FXN: variants seen among roughly 807,000 people sequenced by gnomAD.
FXN encodes frataxin, mitochondrial.
Under a neutral mutation model 22.4 loss-of-function variants are expected in FXN, and 14 were observed. The observed-to-expected ratio is 0.62, with a 90% confidence interval of 0.41 to 0.98. The LOEUF (loss-of-function observed/expected upper bound fraction) is 0.98. Among genes scored for constraint, FXN ranks in the 50% least tolerant of loss-of-function variants. FXN has a pLI of 0.00. For missense variants in FXN, 267 were observed against 268.4 expected (o/e 0.99, Z 0.04); for synonymous variants, 120 against 114.1 (o/e 1.05, Z -0.33).
chr9:69,075,170 A>C lies in FXN; in HGVS notation c.*2408A>C. On this transcript the variant is annotated 3_prime_UTR_variant, in exon 5 of 5. Coordinates refer to ENST00000484259, the MANE Select transcript of FXN (RefSeq NM_000144.5). ...GTGGGAGATCCCCATTTAAGGAAAG[A>C]AAAGGGGCCTGGCACAGTGGCTCAT... The C allele has an allele frequency of 2.0e-6, 2 of 985,524 alleles. No homozygotes were observed. Among genetic ancestry groups the C allele is most frequent in the South Asian group, 9.4e-5 (2 of 21,292 alleles). 61.0% of individuals were successfully genotyped at this position (985,524 alleles called of 1,614,324 possible).
intron 2 of FXN, among the ~76,000 whole-genome samples, chr9:69,051,469 A>G (rs1831849455): frequency 6.6e-6 from 1 of 150,950 alleles, no homozygotes; most frequent in Admixed American, 6.6e-5. Context: ...CTTTGATATT[A>G]TACATAAACC....
intron 1 of FXN, among the ~76,000 whole-genome samples, chr9:69,037,304 A>AGAAGAAGAAGAAG (rs58850165): frequency 6.8e-6 from 1 of 148,128 alleles, no homozygotes. Flanking sequence ...AAGAAGAAGA[A>AGAAGAAGAAGAAG]AATAAAGAAA....
chr9:69,062,280 T>C (rs1192221305), intron 3 of FXN, among the ~76,000 whole-genome samples: 1 of 152,108 alleles, frequency 6.6e-6, no homozygotes, highest in Non-Finnish European at 1.5e-5. Context: ...CCCAGTGAAT[T>C]TGTAATTTTT....
Position 69,076,669 on chromosome 9 carries a change from T to C in FXN, c.*3907T>C, listed in dbSNP as rs1476105723. On this transcript the variant is annotated 3_prime_UTR_variant, in exon 5 of 5. Coordinates refer to ENST00000484259, the MANE Select transcript of FXN (RefSeq NM_000144.5). ...CCCATGTTCATAGTGATGGAGTTTG[T>C]GTGGACTAACCATGCAAGGTTGCCA... 7 of 985,344 alleles carry C rather than the reference T, an allele frequency of 7.1e-6. No individual in the cohort carries two copies. The African/African-American group carries it at 1.0e-4, about 15-fold the overall frequency. The allele number at this position is 985,344 out of a possible 1,614,324, so 61.0% of individuals were successfully genotyped here. A position where few individuals can be genotyped will look rare whatever the true frequency, so the allele number is the denominator to read the frequency against.
intron 4 of FXN, among the ~76,000 whole-genome samples, chr9:69,069,184 T>C (rs1478236166): frequency 1.3e-5 from 2 of 152,126 alleles, no homozygotes; most frequent in African/African-American, 2.4e-5. Flanking sequence ...GGCAACATAG[T>C]GAAACCCTGT....
chr9:69,040,561 G>C (rs978691744), intron 1 of FXN, among the ~76,000 whole-genome samples: 1 of 152,002 alleles, frequency 6.6e-6, no homozygotes, highest in African/African-American at 2.4e-5. Context: ...CCCACTACTC[G>C]GGACGCTGAG....
rs1251116003 is a variant in FXN at position 69,035,958 on chromosome 9, G to A, written c.165+11G>A. The A allele has an allele frequency of 2.1e-6, 3 of 1,457,832 alleles. No homozygotes were observed. The highest frequency in any genetic ancestry group is 1.3e-5 in the South Asian group (1 of 76,840). The allele number at this position is 1,457,832 out of a possible 1,614,324, so 90.3% of individuals were successfully genotyped here. On this transcript the variant is annotated intron_variant, in intron 1 of 4. Coordinates refer to ENST00000484259, the MANE Select transcript of FXN (RefSeq NM_000144.5). The stretch of plus-strand genomic sequence containing the variant: ...ACGCCCCGCCGCGCAGTAAGTATCC[G>A]CGCCGGGAACAGCCGCGGGCCGCAC...
At chr9:69,061,347 A>G (rs1832069129) in intron 3 of FXN, among the ~76,000 whole-genome samples, 1 of 152,062 alleles carries the variant, frequency 6.6e-6, no homozygotes, top group Non-Finnish European at 1.5e-5. Flanking sequence ...CAAGGCAGAC[A>G]GGCGCCGCTC....
rs1832302870 is a variant in FXN at position 69,073,050 on chromosome 9, A to C, written c.*288A>C. The C allele has an allele frequency of 1.3e-5, 16 of 1,270,884 alleles. No individual in the cohort carries two copies. Among genetic ancestry groups the C allele is most frequent in the Non-Finnish European group, 1.5e-5 (15 of 1,006,362 alleles). 78.7% of individuals were successfully genotyped at this position (1,270,884 alleles called of 1,614,324 possible). A position where few individuals can be genotyped will look rare whatever the true frequency, so the allele number is the denominator to read the frequency against. On this transcript the variant is annotated 3_prime_UTR_variant, in exon 5 of 5. Transcript: ENST00000484259. Reference sequence around the variant, plus strand: ...TGTCTTATGCCTATACCTGAATATAACAACCTTTAAAAAAGCAAAATAATA... The same window carrying C: ...TGTCTTATGCCTATACCTGAATATACCAACCTTTAAAAAAGCAAAATAATA...
chr9:69,072,815 T>A lies in FXN; in HGVS notation c.*53T>A. 6.2e-7 allele frequency: 1 copy of A among 1,612,442 alleles called. No individual in the cohort carries two copies. ...AAGCTATCAGGCCAAGACCCCAGCT[T>A]CATTATGCAGCTGAGGTCTGTTTTT... On this transcript the variant is annotated 3_prime_UTR_variant, in exon 5 of 5. Coordinates refer to ENST00000484259, the MANE Select transcript of FXN (RefSeq NM_000144.5).
chr9:69,040,876 C>G (rs907558033), intron 1 of FXN, among the ~76,000 whole-genome samples: 9 of 152,064 alleles, frequency 5.9e-5, no homozygotes, highest in African/African-American at 2.2e-4. Context: ...AATAGCCCAA[C>G]GGAGCCCAGT....
rs531893442 is a variant in FXN at position 69,076,045 on chromosome 9, G to A, written c.*3283G>A. 1 of 984,352 alleles carries A rather than the reference G, an allele frequency of 1.0e-6. No individual in the cohort carries two copies. The highest frequency in any genetic ancestry group is 4.7e-5 in the South Asian group (1 of 21,264). The allele number at this position is 984,352 out of a possible 1,614,324, so 61.0% of individuals were successfully genotyped here. A position where few individuals can be genotyped will look rare whatever the true frequency, so the allele number is the denominator to read the frequency against. On this transcript the variant is annotated 3_prime_UTR_variant, in exon 5 of 5. Coordinates refer to ENST00000484259, the MANE Select transcript of FXN (RefSeq NM_000144.5). ...TTATTTTTACCTTCTTGAGTGGGTA[G>A]AACCTCAGCCACATAGAAAATAAAA...
intron 1 of FXN, among the ~76,000 whole-genome samples, chr9:69,042,018 G>A (rs976057890): frequency 6.6e-6 from 1 of 152,084 alleles, no homozygotes; most frequent in African/African-American, 2.4e-5. Context: ...CAAGGTGGGT[G>A]GATCATGAGG....
intron 2 of FXN, among the ~76,000 whole-genome samples, chr9:69,047,301 T>TTTA (rs1831772928): frequency 2.7e-5 from 4 of 146,786 alleles, no homozygotes; most frequent in African/African-American, 5.1e-5. Flanking sequence ...CTCCCAGCTT[T>TTTA]AGGAATGGCT....
At position 69,046,120 on chromosome 9, in the gene FXN, C is replaced by G. The variant is rs926306150; in HGVS notation, c.166-265C>G. ...AGAGCATACAGTTAGAAAAGCTTGC[C>G]CTGAAGGGAATGTATGGTGAAGGGG... On this transcript the variant is annotated intron_variant, in intron 1 of 4. Transcript: ENST00000484259. Among the ~76,000 whole-genome samples, 4 of 152,098 alleles carry G rather than the reference C, an allele frequency of 2.6e-5. No individual in the cohort carries two copies. In the South Asian group the frequency reaches 8.3e-4, roughly 32 times the overall value.
chr9:69,045,318 A>T (rs1388267794), intron 1 of FXN, among the ~76,000 whole-genome samples: 1 of 152,140 alleles, frequency 6.6e-6, no homozygotes, highest in Non-Finnish European at 1.5e-5. Flanking sequence ...ATACTTTAAT[A>T]TAGGGCTGGG....
At position 69,078,838 on chromosome 9, in the gene FXN, G is replaced by A; in HGVS notation, c.*6076G>A. On this transcript the variant is annotated 3_prime_UTR_variant, in exon 5 of 5. Coordinates refer to ENST00000484259, the MANE Select transcript of FXN (RefSeq NM_000144.5). ...ACTCAGCCTCTGCCTGGATGCCCTT[G>A]ATTGTTCCATGTCCTCAGCATACCA... is the stretch of plus-strand genomic sequence containing the variant. 1.0e-6 allele frequency: 1 copy of A among 985,836 alleles called. No homozygotes were observed. The highest frequency in any genetic ancestry group is 4.7e-5 in the South Asian group (1 of 21,290). 61.1% of individuals were successfully genotyped at this position (985,836 alleles called of 1,614,324 possible).
At chr9:69,048,840 G>A (rs1831804065) in intron 2 of FXN, among the ~76,000 whole-genome samples, 1 of 152,196 alleles carries the variant, frequency 6.6e-6, no homozygotes, top group Non-Finnish European at 1.5e-5. Flanking sequence ...GATTTCCAGA[G>A]GGCTTTGCAT....
intron 2 of FXN, 149 bp downstream of exon 2, chr9:69,046,631 G>C: frequency 1.5e-6 from 1 of 687,236 alleles, no homozygotes; most frequent in Non-Finnish European, 2.6e-6. Context: ...TAATGAAATA[G>C]TATTAGATTG....
Sources: gnomAD v4.1 joint callset for allele counts (sites outside exome capture counted in the v4.1 genomes callset) on GRCh38, gnomAD v4.1.1 for gene constraint, MANE v1.5 for transcripts, NCBI Gene and HGNC (gene_info 2026-07-23, HGNC 2026-07-21) for gene names.